The following MUC17 variants were observed in gnomAD, a reference collection of about 807,000 sequenced individuals.
MUC17 encodes mucin-17.
Under a neutral mutation model 170.3 loss-of-function variants are expected in MUC17, and 190 were observed. That is an observed-to-expected ratio of 1.12 (90% confidence interval 0.99 to 1.26). The LOEUF is 1.26. Among genes scored for constraint, MUC17 ranks in the 50% most tolerant of loss-of-function variants. The pLI is 0.00. For synonymous variants in MUC17, 2,325 were observed against 2,002.5 expected (o/e 1.16, Z -4.30); for missense variants, 6,415 against 5,530.0 (o/e 1.16, Z -5.08).
chr7:101,043,217 C>T lies in MUC17; in HGVS notation c.11801C>T (p.Thr3934Ile), dbSNP rs145543914. The stretch of plus-strand genomic sequence containing the variant: ...GTATCAGTGATCACAGAAGGAAGCA[C>T]ACCTGGGACAACCATTTTTATTCCC... Reference protein sequence around the residue: ...ISVSVITEGSTPGTTIFIPST... With the variant: ...ISVSVITEGSIPGTTIFIPST... Residue 3934 changes from threonine (T) to isoleucine (I), a missense_variant, in exon 3 of 13, where the codon ACA becomes ATA. Thr to Ile is a moderately conservative substitution (Grantham distance 89). Transcript: ENST00000306151. 3.0e-4 allele frequency: 491 copies of T among 1,614,176 alleles called. 3 individuals are homozygous for T. In the African/African-American group the frequency reaches 5.8e-3, roughly 19 times the overall value.
At chr7:101,025,939 C>T (rs981103080) in intron 1 of MUC17, among the ~76,000 whole-genome samples, 1 of 151,984 alleles carries the variant, frequency 6.6e-6, no homozygotes, top group Non-Finnish European at 1.5e-5. Flanking sequence ...AACAGTGAGA[C>T]CTTGTCTCAA....
chr7:101,038,925 C>T lies in MUC17; in HGVS notation c.7509C>T (p.Ile2503=), dbSNP rs374976208. Residue 2503 remains isoleucine (I), a synonymous_variant, in exon 3 of 13, where the codon ATC becomes ATT. Transcript: ENST00000306151. The part of the protein sequence containing the change: ...ASSSPTTAED[I]VVPISTASEG... ...CATCTCCTACAACTGCTGAAGATAT[C>T]GTCGTGCCAATCTCAACTGCTAGTG... is the stretch of plus-strand genomic sequence containing the variant. 1.4e-5 allele frequency: 22 copies of T among 1,613,856 alleles called. No individual in the cohort carries two copies. The highest frequency in any genetic ancestry group is 5.5e-5 in the South Asian group (5 of 91,074).
intron 7 of MUC17, 144 bp from the exon 8 acceptor site, chr7:101,051,469 G>A: frequency 1.5e-6 from 1 of 685,094 alleles, no homozygotes; most frequent in Non-Finnish European, 2.5e-6. Context: ...CTGGACGCGA[G>A]GCTGATGCTG....
At chr7:101,047,054 C>G (rs937280093) in intron 3 of MUC17, among the ~76,000 whole-genome samples, 1 of 150,250 alleles carries the variant, frequency 6.7e-6, no homozygotes, top group Non-Finnish European at 1.5e-5. Flanking sequence ...GCACTCCAGC[C>G]CGGGCGACAG....
intron 9 of MUC17, 105 bp from the exon 10 acceptor site, chr7:101,052,881 C>T: frequency 1.4e-6 from 2 of 1,381,232 alleles, no homozygotes; most frequent in Non-Finnish European, 2.0e-6. Flanking sequence ...CTGGCAATCT[C>T]TTCTTGCCTC....
chr7:101,035,498 C>T lies in MUC17; in HGVS notation c.4082C>T (p.Pro1361Leu), dbSNP rs762778270. The T allele has an allele frequency of 5.4e-5, 87 of 1,602,496 alleles. 1 individual carries two copies. Among genetic ancestry groups the T allele is most frequent in the Non-Finnish European group, 7.2e-5 (85 of 1,172,734 alleles). Reference protein sequence around the residue: ...SSAISILSTTPVDNSTPVTTS... With the variant: ...SSAISILSTTLVDNSTPVTTS... Reference sequence around the variant, plus strand: ...GCAATCAGCATCCTTTCAACAACTCCTGTTGACAACAGCACACCTGTGACC... The same window carrying T: ...GCAATCAGCATCCTTTCAACAACTCTTGTTGACAACAGCACACCTGTGACC... Residue 1361 changes from proline to leucine, a missense_variant, in exon 3 of 13, where the codon CCT becomes CTT. Coordinates refer to ENST00000306151, the MANE Select transcript of MUC17 (RefSeq NM_001040105.2).
Position 101,041,434 on chromosome 7 carries a change from A to C in MUC17, c.10018A>C (p.Thr3340Pro). The C allele has an allele frequency of 1.2e-6, 2 of 1,613,932 alleles. No homozygotes were observed. The highest frequency in any genetic ancestry group is 2.2e-5 in the South Asian group (2 of 91,072). Residue 3340 changes from threonine to proline, a missense_variant, in exon 3 of 13, where the codon ACT (threonine) becomes CCT (proline). By Grantham distance (38) the Thr-to-Pro change is conservative (BLOSUM62 -1). Coordinates refer to ENST00000306151, the MANE Select transcript of MUC17 (RefSeq NM_001040105.2). ...MPTSTYSEGS[T>P]PLTNMSFSTT... ...AACCTCAACTTATAGTGAAGGAAGC[A>C]CTCCACTAACAAATATGTCTTTCAG...
intron 7 of MUC17, among the ~76,000 whole-genome samples, chr7:101,051,211 C>T (rs920699873): frequency 6.6e-6 from 1 of 151,456 alleles, no homozygotes; most frequent in Non-Finnish European, 1.5e-5. Flanking sequence ...ACTGAAAATA[C>T]AAAATTAGCC....
chr7:101,041,389 G>A lies in MUC17; in HGVS notation c.9973G>A (p.Ala3325Thr). The A allele has an allele frequency of 6.2e-7, 1 of 1,613,478 alleles. No homozygotes were observed. The highest frequency in any genetic ancestry group is 1.1e-5 in the South Asian group (1 of 91,022). The change falls in exon 3 of 13, where the codon GCT (alanine) becomes ACT (threonine). Residue 3325 changes from alanine (A) to threonine (T), a missense_variant. Physicochemically the swap from Ala to Thr is moderately conservative, Grantham distance 58. Coordinates refer to ENST00000306151, the MANE Select transcript of MUC17 (RefSeq NM_001040105.2). ...TCAAGCCAGTTCATCTCCTCCAATT[G>A]CTGACGGTACTAGCATGCCAACCTC... is the stretch of plus-strand genomic sequence containing the variant. Reference protein sequence around the residue: ...YSQASSSPPIADGTSMPTSTY... With the variant: ...YSQASSSPPITDGTSMPTSTY...
In MUC17 at chr7:101,035,294, C is replaced by A. The variant is rs1794431257; in HGVS notation, c.3878C>A (p.Pro1293His). The part of the protein sequence containing the change: ...IPVSTTLVTS[P>H]EASTLLTTPV... ...GTCAGCACCACGCTGGTGACCAGTCCTGAGGCTAGCACCCTTTTAACAACT... is the reference window on the plus strand; with the variant it reads ...GTCAGCACCACGCTGGTGACCAGTCATGAGGCTAGCACCCTTTTAACAACT... The change falls in exon 3 of 13, where the codon CCT becomes CAT. Residue 1293 changes from proline to histidine, a missense_variant. Coordinates refer to ENST00000306151, the MANE Select transcript of MUC17 (RefSeq NM_001040105.2). 1 of 1,610,784 alleles carries A rather than the reference C, an allele frequency of 6.2e-7. No individual in the cohort carries two copies. The highest frequency in any genetic ancestry group is 8.5e-7 in the Non-Finnish European group (1 of 1,177,834).
rs758639589 is a variant in MUC17, at chr7:101,034,461, C to T, written c.3045C>T (p.Thr1015=). 1.7e-5 allele frequency: 27 copies of T among 1,609,522 alleles called. No homozygotes were observed. The highest frequency in any genetic ancestry group is 1.6e-4 in the African/African-American group (12 of 74,694). ...CTGTTGACTCCAACACTCCTTTGAC[C>T]ACTTCTACTGAAGCCAGTTCACCTC... ...TTPVDSNTPL[T]TSTEASSPPP... is the part of the protein sequence containing the mutation. The change falls in exon 3 of 13, where the codon ACC becomes ACT. Residue 1015 remains threonine (T), a synonymous_variant. Transcript: ENST00000306151.
At chr7:101,048,428 A>AT (rs376783365) in intron 4 of MUC17, among the ~76,000 whole-genome samples, 15 of 149,402 alleles carry the variant, frequency 1.0e-4, no homozygotes, top group Admixed American at 1.3e-4. Flanking sequence ...TAATTTATTT[A>AT]TTTAAAAAAA....
At position 101,035,336 on chromosome 7, in the gene MUC17, G is replaced by C. The variant is rs139014940; in HGVS notation, c.3920G>C (p.Gly1307Ala). 4 of 1,607,010 alleles carry C rather than the reference G, an allele frequency of 2.5e-6. No homozygotes were observed. The highest frequency in any genetic ancestry group is 1.1e-5 in the South Asian group (1 of 90,522). Residue 1307 changes from glycine to alanine, a missense_variant, in exon 3 of 13, where the codon GGT becomes GCT. Coordinates refer to ENST00000306151, the MANE Select transcript of MUC17 (RefSeq NM_001040105.2). ...TTAACAACTCCTGTTGACACTAAAG[G>C]TCCTGTGGTCACTTCTAATGAAGTC... ...TLLTTPVDTK[G>A]PVVTSNEVSS...
rs1794306229 is a variant in MUC17 at position 101,032,293 on chromosome 7, A to G, written c.877A>G (p.Ser293Gly). ...SVMLVVSSEA[S>G]TLSTTPAATN... ...GATGCTGGTGGTCAGTTCTGAGGCTAGCACCCTTTCAACAACTCCTGCTGC... is the reference window on the plus strand; with the variant it reads ...GATGCTGGTGGTCAGTTCTGAGGCTGGCACCCTTTCAACAACTCCTGCTGC... The change falls in exon 3 of 13, where the codon AGC (serine) becomes GGC (glycine). Residue 293 changes from serine (S) to glycine (G), a missense_variant. Ser to Gly is a moderately conservative substitution (Grantham distance 56). Transcript: ENST00000306151. 3 of 1,613,994 alleles carry G rather than the reference A, an allele frequency of 1.9e-6. No individual in the cohort carries two copies. Among genetic ancestry groups the G allele is most frequent in the Non-Finnish European group, 2.5e-6 (3 of 1,179,934 alleles).
Position 101,041,390 on chromosome 7 carries a change from C to G in MUC17, c.9974C>G (p.Ala3325Gly). ...YSQASSSPPI[A>G]DGTSMPTSTY... is the part of the protein sequence containing the mutation. ...CAAGCCAGTTCATCTCCTCCAATTG[C>G]TGACGGTACTAGCATGCCAACCTCA... is the stretch of plus-strand genomic sequence containing the variant. The change falls in exon 3 of 13, where the codon GCT (alanine) becomes GGT (glycine). Residue 3325 changes from alanine (A) to glycine (G), a missense_variant. Ala to Gly is a moderately conservative substitution (Grantham distance 60). Coordinates refer to ENST00000306151, the MANE Select transcript of MUC17 (RefSeq NM_001040105.2). 1 of 1,613,650 alleles carries G rather than the reference C, an allele frequency of 6.2e-7. No homozygotes were observed. Among genetic ancestry groups the G allele is most frequent in the Non-Finnish European group, 8.5e-7 (1 of 1,179,752 alleles).
At chr7:101,049,412 C>T in intron 6 of MUC17, 30 bp downstream of exon 6, 1 of 1,600,284 alleles carries the variant, frequency 6.2e-7, no homozygotes, top group Non-Finnish European at 8.5e-7. Flanking sequence ...GGAAGAGGGT[C>T]TGTGGCGTGG....
At position 101,042,441 on chromosome 7, in the gene MUC17, T is replaced by G; in HGVS notation, c.11025T>G (p.Ser3675=). 1 of 1,614,022 alleles carries G rather than the reference T, an allele frequency of 6.2e-7. No homozygotes were observed. The highest frequency in any genetic ancestry group is 8.5e-7 in the Non-Finnish European group (1 of 1,179,972). Residue 3675 remains serine (S), a synonymous_variant, in exon 3 of 13, where the codon TCT becomes TCG. Transcript: ENST00000306151. ...TCACTTCTACCCAAGTCAGTTCATC[T>G]CCTGTGACTCCTGAAGGTACCACCA... ...PVITSTQVSS[S]PVTPEGTTMP... is the part of the protein sequence containing the mutation.
At position 101,042,437 on chromosome 7, in the gene MUC17, C is replaced by A. The variant is rs779705884; in HGVS notation, c.11021C>A (p.Ser3674Ter). 3.7e-6 allele frequency: 6 copies of A among 1,614,108 alleles called. No homozygotes were observed. Among genetic ancestry groups the A allele is most frequent in the East Asian group, 4.5e-5 (2 of 44,866 alleles). ...TPVITSTQVS[S>*]SPVTPEGTTM... is the part of the protein sequence containing the mutation. ...GTGATCACTTCTACCCAAGTCAGTT[C>A]ATCTCCTGTGACTCCTGAAGGTACC... The change falls in exon 3 of 13, where the codon TCA (serine) becomes TAA (stop). Residue 3674 changes from serine to a stop codon, truncating the protein, a stop_gained. Transcript: ENST00000306151. LOFTEE classifies it high-confidence loss of function.
In MUC17 at chr7:101,039,766, A is replaced by G. The variant is rs755567844; in HGVS notation, c.8350A>G (p.Thr2784Ala). The G allele has an allele frequency of 3.7e-6, 6 of 1,609,914 alleles. No homozygotes were observed. The South Asian group carries it at 5.5e-5, about 15-fold the overall frequency. ...TAVDTSIPVT[T>A]STEASSSPTT... is the part of the protein sequence containing the mutation. ...TGTTGACACCAGCATACCTGTCACCACTTCTACTGAAGCCAGTTCCTCTCC... is the reference window on the plus strand; with the variant it reads ...TGTTGACACCAGCATACCTGTCACCGCTTCTACTGAAGCCAGTTCCTCTCC... Residue 2784 changes from threonine (T) to alanine (A), a missense_variant, in exon 3 of 13, where the codon ACT becomes GCT. Physicochemically the swap from Thr to Ala is moderately conservative, Grantham distance 58 (BLOSUM62 0). Coordinates refer to ENST00000306151, the MANE Select transcript of MUC17 (RefSeq NM_001040105.2).
Sources: gnomAD v4.1 joint callset for allele counts (sites outside exome capture counted in the v4.1 genomes callset) on GRCh38, gnomAD v4.1.1 for gene constraint, MANE v1.5 for transcripts, NCBI Gene and HGNC (gene_info 2026-07-23, HGNC 2026-07-21) for gene names.